CLDN16: variants seen among roughly 807,000 people sequenced by gnomAD.
CLDN16 encodes claudin-16.
A neutral mutation model predicts 24.6 loss-of-function variants in CLDN16; 13 were observed. The observed-to-expected ratio is 0.53, with a 90% CI of 0.34 to 0.84. CLDN16 has a LOEUF of 0.84. Among genes scored for constraint, CLDN16 ranks in the 40% least tolerant of loss-of-function variants. CLDN16 has a pLI of 0.01. For missense variants in CLDN16, 298 were observed against 292.7 expected (o/e 1.02, Z -0.13); for synonymous variants, 116 against 106.7 (o/e 1.09, Z -0.54).
At chr3:190,344,369 C>T (rs1354890071) in intron 1 of CLDN16, among the ~76,000 whole-genome samples, 1 of 151,790 alleles carries the variant, frequency 6.6e-6, no homozygotes, top group Non-Finnish European at 1.5e-5. Context: ...AAAAGTACTA[C>T]AGATAAATTG....
intron 1 of CLDN16, among the ~76,000 whole-genome samples, chr3:190,350,817 A>T (rs1186965851): frequency 6.6e-6 from 1 of 152,164 alleles, no homozygotes; most frequent in Non-Finnish European, 1.5e-5. Context: ...TTTATCATTG[A>T]GTTTGGCTCA....
At chr3:190,311,911 T>C in the CLDN16 span, among the ~76,000 whole-genome samples, 1 of 151,998 alleles carries the variant, frequency 6.6e-6, no homozygotes, top group African/African-American at 2.4e-5. Context: ...ATGTAACTTA[T>C]CAATCAACAC....
upstream of CLDN16, among the ~76,000 whole-genome samples, chr3:190,320,953 C>T (rs1215958506): frequency 1.4e-5 from 2 of 147,216 alleles, no homozygotes; most frequent in African/African-American, 5.1e-5. Flanking sequence ...AACTCGAAAC[C>T]TTTAATTTAA....
chr3:190,406,271 G>C (rs1460405704), intron 3 of CLDN16, among the ~76,000 whole-genome samples: 1 of 152,038 alleles, frequency 6.6e-6, no homozygotes, highest in East Asian at 1.9e-4. Flanking sequence ...GTATTATAAA[G>C]TTACAAAAAT....
At chr3:190,302,459 C>T in the CLDN16 span, among the ~76,000 whole-genome samples, 7 of 152,132 alleles carry the variant, frequency 4.6e-5, no homozygotes, top group East Asian at 5.8e-4. Context: ...AAATATACTG[C>T]GAATGTTAGA....
chr3:190,321,860 G>T, upstream of CLDN16: 1 of 758,204 alleles, frequency 1.3e-6, no homozygotes, highest in Non-Finnish European at 2.2e-6. Context: ...CAGAGCACAT[G>T]ATCAGAAGAC....
chr3:190,380,127 T>TTCCTTCCTTCCTTCCTTCCTTCCTTC (rs1560091443), intron 3 of CLDN16, among the ~76,000 whole-genome samples: 3 of 11,144 alleles, frequency 2.7e-4, no homozygotes, highest in Admixed American at 1.1e-3. Context: ...TTCCTTCCTT[T>TTCCTTCCTTCCTTCCTTCCTTCCTTC]CTTCCTTCCT....
chr3:190,363,954 G>A (rs1457863561), intron 1 of CLDN16, among the ~76,000 whole-genome samples: 1 of 151,878 alleles, frequency 6.6e-6, no homozygotes, highest in African/African-American at 2.4e-5. Flanking sequence ...AAAAGGTGAA[G>A]TATCAATTGT....
chr3:190,294,772 T>C, the CLDN16 span, among the ~76,000 whole-genome samples: 1 of 152,136 alleles, frequency 6.6e-6, no homozygotes, highest in Non-Finnish European at 1.5e-5. Context: ...CTATATTAAA[T>C]AGTGTAATTT....
At chr3:190,322,305 G>A, upstream of CLDN16, 2 of 1,099,902 alleles carry the variant, frequency 1.8e-6, no homozygotes, top group South Asian at 2.6e-5. Context: ...GCTGGGCCCC[G>A]CGGAGGAAGT....
rs185327119 is a variant in CLDN16 at position 190,380,981 on chromosome 3, G to T, written n.306+6378G>T. ...TGGAAGTTATTCAGATGAACAATGAGTGTGAGTACAAGTTGCACCCTAAGG... is the reference window on the plus strand; with the variant it reads ...TGGAAGTTATTCAGATGAACAATGATTGTGAGTACAAGTTGCACCCTAAGG... On this transcript the variant is annotated intron_variant and non_coding_transcript_variant, in intron 3 of 4. Coordinates refer to the CLDN16 transcript ENST00000468220. 4.5e-3 allele frequency among the ~76,000 whole-genome samples: 634 copies of T among 141,300 alleles called. 3 individuals carry two copies. Among genetic ancestry groups the T allele is most frequent in the African/African-American group, 0.014 (574 of 40,778 alleles). 92.7% of individuals were successfully genotyped at this position (141,300 alleles called of 152,430 possible).
intron 1 of CLDN16, among the ~76,000 whole-genome samples, chr3:190,354,691 C>A (rs1054950722): frequency 1.3e-5 from 2 of 151,978 alleles, no homozygotes; most frequent in Non-Finnish European, 2.9e-5. Context: ...AGATTCAGAG[C>A]CAAGCCTAGG....
upstream of CLDN16, chr3:190,388,139 T>A: frequency 1.9e-6 from 3 of 1,613,982 alleles, no homozygotes; most frequent in Non-Finnish European, 2.5e-6. Flanking sequence ...AGGACCCCAC[T>A]GTTGGTTACA....
Position 190,334,639 on chromosome 3 carries a change from G to C in CLDN16, n.121+11978G>C, listed in dbSNP as rs192996721. Among the ~76,000 whole-genome samples, 334 of 152,372 alleles carry C rather than the reference G, an allele frequency of 2.2e-3. 3 individuals are homozygous for C. Among genetic ancestry groups the C allele is most frequent in the African/African-American group, 7.3e-3 (305 of 41,580 alleles). ...AGCACCTTTAGAAAGTCAGAGCACA[G>C]GAGAAAAGTGAAACTGGAATGGTAG... On this transcript the variant is annotated intron_variant and non_coding_transcript_variant, in intron 1 of 4. Transcript: ENST00000468220.
At chr3:190,312,785 A>C in the CLDN16 span, 1 of 1,485,254 alleles carries the variant, frequency 6.7e-7, no homozygotes, top group East Asian at 2.3e-5. Context: ...AGAGACTGAA[A>C]TCAAGTATAA....
At chr3:190,322,402 T>C, upstream of CLDN16, 2 of 612,518 alleles carry the variant, frequency 3.3e-6, no homozygotes, top group Middle Eastern at 4.4e-4. Flanking sequence ...CGCTGGAGTC[T>C]GGATACTAGA....
chr3:190,349,148 C>A (rs1717619046), intron 1 of CLDN16, among the ~76,000 whole-genome samples: 1 of 152,096 alleles, frequency 6.6e-6, no homozygotes, highest in Non-Finnish European at 1.5e-5. Context: ...GTTTTTGTGT[C>A]CCCACCCAAA....
Position 190,343,004 on chromosome 3 carries a change from A to G in CLDN16, n.121+20343A>G, listed in dbSNP as rs117444072. Among the ~76,000 whole-genome samples the G allele has an allele frequency of 1.4e-4, 22 of 152,300 alleles. No individual in the cohort carries two copies. The East Asian group carries it at 4.0e-3, about 28-fold the overall frequency. ...AAGCTTTTGCATAGCAAAGAAAACA[A>G]TCAACAAAATGAAAAGACAACCTAC... On this transcript the variant is annotated intron_variant and non_coding_transcript_variant, in intron 1 of 4. Coordinates refer to the CLDN16 transcript ENST00000468220.
Position 190,399,692 on chromosome 3 carries a change from T to C in CLDN16, c.115-2645T>C, listed in dbSNP as rs561227665. Among the ~76,000 whole-genome samples the C allele has an allele frequency of 8.4e-4, 128 of 152,156 alleles. 1 individual carries two copies. Among genetic ancestry groups the C allele is most frequent in the Non-Finnish European group, 2.9e-4 (20 of 68,018 alleles). On this transcript the variant is annotated intron_variant, in intron 1 of 4. Transcript: ENST00000264734. ...TGTTGGAAACATTAAATATCCTTTT[T>C]TCTAGCTATTTGAAATTATATCATT...
Sources: allele counts gnomAD v4.1 joint callset (sites outside exome capture counted in the v4.1 genomes callset), GRCh38; gene constraint gnomAD v4.1.1; transcripts MANE v1.5; gene names NCBI Gene and HGNC (gene_info 2026-07-23, HGNC 2026-07-21).